DMTF1: variants seen among roughly 807,000 people sequenced by gnomAD.
DMTF1 encodes the protein cyclin-D-binding Myb-like transcription factor 1.
DMTF1 carries 39 observed loss-of-function variants against 91.1 expected under a neutral mutation model. That is an observed-to-expected ratio of 0.43 (90% confidence interval 0.33 to 0.56). DMTF1 has a LOEUF of 0.56. Among genes scored for constraint, DMTF1 ranks in the 20% least tolerant of loss-of-function variants. The probability of loss-of-function intolerance (pLI) is 0.05; values close to 1 mark genes in which losing one functional copy is unlikely to be tolerated. For synonymous variants in DMTF1, 338 were observed against 309.5 expected (o/e 1.09, Z -0.97); for missense variants, 750 against 914.5 (o/e 0.82, Z 2.32).
intron 1 of DMTF1, chr7:87,152,763 CG>C (rs1789489126): frequency 6.5e-6 from 1 of 154,380 alleles, no homozygotes; most frequent in Non-Finnish European, 1.5e-5. Context: ...CTCTTAGGGC[CG>C]GGCGGTGCCC....
intron 17 of DMTF1, 83 bp downstream of exon 17, chr7:87,194,911 T>C (rs1005863712): frequency 6.7e-6 from 10 of 1,492,500 alleles, no homozygotes; most frequent in Admixed American, 5.6e-5. Context: ...TTTCAGTCTT[T>C]CTTGATCCAA....
intron 1 of DMTF1, among the ~76,000 whole-genome samples, chr7:87,157,371 C>A (rs1405945625): frequency 6.6e-6 from 1 of 152,102 alleles, no homozygotes; most frequent in Non-Finnish European, 1.5e-5. Flanking sequence ...AATGTTGGTT[C>A]CTGTGCTGCT....
chr7:87,154,985 G>A (rs892476789), intron 1 of DMTF1, among the ~76,000 whole-genome samples: 5 of 152,120 alleles, frequency 3.3e-5, no homozygotes, highest in East Asian at 1.9e-4. Context: ...TATTAATGGT[G>A]TAATAAACTT....
chr7:87,169,706 C>G (rs973861301), intron 4 of DMTF1, among the ~76,000 whole-genome samples: 7 of 152,252 alleles, frequency 4.6e-5, no homozygotes, highest in Non-Finnish European at 2.9e-5. Context: ...CTGTTGGCAA[C>G]TTTTGACAAT....
In DMTF1 at chr7:87,185,951, T is replaced by C. The variant is rs1346839614; in HGVS notation, c.1172T>C (p.Ile391Thr). 5 of 1,613,844 alleles carry C rather than the reference T, an allele frequency of 3.1e-6. No individual in the cohort carries two copies. The highest frequency in any genetic ancestry group is 4.2e-6 in the Non-Finnish European group (5 of 1,179,830). Reference protein sequence around the residue: ...RSKWWTIKRQIANHKDVSFPV... With the variant: ...RSKWWTIKRQTANHKDVSFPV... Reference sequence around the variant, plus strand: ...AAATGGTGGACCATCAAAAGGCAAATTGCAAACCATAAGGATGTTTCGTTC... The same window carrying C: ...AAATGGTGGACCATCAAAAGGCAAACTGCAAACCATAAGGATGTTTCGTTC... The change falls in exon 12 of 18, where the codon ATT becomes ACT. Residue 391 changes from isoleucine (I) to threonine (T), a missense_variant. Transcript: ENST00000331242.
chr7:87,177,380 T>C (rs930740080), intron 7 of DMTF1, among the ~76,000 whole-genome samples: 2 of 152,178 alleles, frequency 1.3e-5, no homozygotes, highest in Non-Finnish European at 2.9e-5. Flanking sequence ...CATTTTGATA[T>C]GCTTATTGGC....
In DMTF1 at chr7:87,180,821, TA is replaced by T. The variant is rs1026428503; in HGVS notation, c.678-479del. Among the ~76,000 whole-genome samples the T allele has an allele frequency of 1.6e-3, 236 of 148,584 alleles. 1 individual carries two copies. The highest frequency in any genetic ancestry group is 4.0e-3 in the South Asian group (19 of 4,748). On this transcript the variant is annotated intron_variant, in intron 8 of 17. Transcript: ENST00000331242. ...TTATAACTAAAAAATATTTACTGTT[TA>T]AAAAAAAATAAAAATAGAAGCATTT...
chr7:87,194,231 T>C (rs531076303), intron 16 of DMTF1, 129 bp downstream of exon 16: 1 of 1,036,346 alleles, frequency 9.6e-7, no homozygotes, highest in East Asian at 2.5e-5. Context: ...CACAAAGTGT[T>C]GTCACTGGCA....
chr7:87,171,354 G>C (rs1449327180), intron 5 of DMTF1, among the ~76,000 whole-genome samples: 1 of 152,074 alleles, frequency 6.6e-6, no homozygotes, highest in African/African-American at 2.4e-5. Context: ...ATAATTTCTA[G>C]TATTTGTTTA....
chr7:87,173,485 ATTT>A, intron 5 of DMTF1, 47 bp from the exon 6 acceptor site: 1 of 1,248,376 alleles, frequency 8.0e-7, no homozygotes, highest in Non-Finnish European at 1.1e-6. Flanking sequence ...TCAAGCTGCC[ATTT>A]TTTTGTTTTG....
At chr7:87,183,134 A>G (rs1797718416) in intron 10 of DMTF1, among the ~76,000 whole-genome samples, 1 of 152,164 alleles carries the variant, frequency 6.6e-6, no homozygotes, top group African/African-American at 2.4e-5. Flanking sequence ...GGGCATATAC[A>G]TTTTGACCTT....
chr7:87,174,973 T>C (rs967180229), intron 7 of DMTF1, among the ~76,000 whole-genome samples: 6 of 152,122 alleles, frequency 3.9e-5, no homozygotes, highest in African/African-American at 1.2e-4. Flanking sequence ...GTTTAATTTA[T>C]TTTGTTTAAA....
intron 5 of DMTF1, among the ~76,000 whole-genome samples, chr7:87,172,949 A>G (rs1190635110): frequency 6.6e-6 from 1 of 152,258 alleles, no homozygotes; most frequent in Non-Finnish European, 1.5e-5. Context: ...ATAAGGCTCT[A>G]GAGGTTGGCT....
chr7:87,192,235 A>G (rs1341007680), intron 14 of DMTF1, among the ~76,000 whole-genome samples: 1 of 152,286 alleles, frequency 6.6e-6, no homozygotes, highest in East Asian at 1.9e-4. Flanking sequence ...TGTGAAAATT[A>G]AATGTTAAGT....
At chr7:87,181,954 C>T in intron 9 of DMTF1, 1 of 1,318,962 alleles carries the variant, frequency 7.6e-7, no homozygotes, top group Admixed American at 2.4e-5. Context: ...GTGTCAGTAA[C>T]CTGAGGGGAA....
intron 1 of DMTF1, chr7:87,163,234 T>C (rs1792965299): frequency 6.6e-6 from 1 of 152,054 alleles, no homozygotes; most frequent in Admixed American, 6.6e-5. Context: ...TTTTTTTTTT[T>C]TCAGAGAACG....
At chr7:87,193,594 C>A (rs537252907) in intron 15 of DMTF1, 131 bp from the exon 16 acceptor site, 2 of 973,930 alleles carry the variant, frequency 2.1e-6, no homozygotes, top group Admixed American at 2.8e-5. Flanking sequence ...AAGTAAAGGA[C>A]AAGGGTTCTA....
At chr7:87,164,896 A>G (rs775793973) in intron 2 of DMTF1, 38 bp from the exon 3 acceptor site, 1 of 1,300,664 alleles carries the variant, frequency 7.7e-7, no homozygotes, top group South Asian at 1.4e-5. Flanking sequence ...TTTGGGAATA[A>G]TTTTTGAAAT....
intron 12 of DMTF1, 41 bp from the exon 13 acceptor site, chr7:87,188,051 C>A: frequency 6.4e-7 from 1 of 1,550,718 alleles, no homozygotes; most frequent in Non-Finnish European, 8.9e-7. Context: ...GGTGGTCTGT[C>A]GGAGAATCAA....
Sources: allele counts gnomAD v4.1 joint callset (sites outside exome capture counted in the v4.1 genomes callset), GRCh38; gene constraint gnomAD v4.1.1; transcripts MANE v1.5; gene names NCBI Gene and HGNC (gene_info 2026-07-23, HGNC 2026-07-21).